NR6A1: variants seen among roughly 807,000 people sequenced by gnomAD.
NR6A1 encodes the protein nuclear receptor subfamily 6 group A member 1, also known as retinoic acid receptor-related testis-associated receptor.
Under a neutral mutation model 59.1 loss-of-function variants are expected in NR6A1, and 7 were observed. The observed-to-expected ratio is 0.12, with a 90% confidence interval of 0.07 to 0.22. The LOEUF is 0.22. NR6A1 is among the 10% of genes least tolerant of loss of function. The probability of loss-of-function intolerance (pLI) is 1.00; values close to 1 mark genes in which losing one functional copy is unlikely to be tolerated. For missense variants in NR6A1, 468 were observed against 611.6 expected (o/e 0.77, Z 2.48); for synonymous variants, 243 against 236.1 (o/e 1.03, Z -0.27).
chr9:124,547,162 T>G (rs1645321509), intron 3 of NR6A1, among the ~76,000 whole-genome samples: 1 of 152,376 alleles, frequency 6.6e-6, no homozygotes, highest in African/African-American at 2.4e-5. Flanking sequence ...GCCATGGCTC[T>G]TCTATCTTCT....
At chr9:124,642,283 C>T (rs1317485678) in intron 2 of NR6A1, among the ~76,000 whole-genome samples, 2 of 152,156 alleles carry the variant, frequency 1.3e-5, no homozygotes, top group African/African-American at 2.4e-5. Context: ...CTCCTGACCT[C>T]GGGTGATCCG....
intron 2 of NR6A1, among the ~76,000 whole-genome samples, chr9:124,712,190 G>GA (rs1839298122): frequency 6.6e-6 from 1 of 152,188 alleles, no homozygotes; most frequent in Non-Finnish European, 1.5e-5. Context: ...GAAGGAGGAG[G>GA]AGAGAGCGCT....
At position 124,518,911 on chromosome 9, in the gene NR6A1, A is replaced by C; in HGVS notation, c.*3794T>G. The stretch of plus-strand genomic sequence containing the variant: ...CAGGGGCCCAGAGAGGAGGGCCTGG[A>C]ACCACAGCTCAGCTTTCTGTCCTGC... On this transcript the variant is annotated 3_prime_UTR_variant, in exon 10 of 10. Transcript: ENST00000487099. The C allele has an allele frequency of 6.6e-6, 1 of 152,200 alleles. No individual in the cohort carries two copies. Among genetic ancestry groups the C allele is most frequent in the East Asian group, 1.9e-4 (1 of 5,188 alleles). 9.4% of individuals were successfully genotyped at this position (152,200 alleles called of 1,614,324 possible).
intron 2 of NR6A1, among the ~76,000 whole-genome samples, chr9:124,706,675 C>T (rs1247918111): frequency 1.3e-5 from 2 of 152,136 alleles, no homozygotes; most frequent in African/African-American, 4.8e-5. Context: ...TGCGCCACCA[C>T]ACCAGCTAAT....
At chr9:124,727,042 G>C (rs1194512941) in intron 2 of NR6A1, among the ~76,000 whole-genome samples, 1 of 152,076 alleles carries the variant, frequency 6.6e-6, no homozygotes, top group African/African-American at 2.4e-5. Flanking sequence ...CAGAAACTCT[G>C]CATTCCAGAT....
intron 2 of NR6A1, among the ~76,000 whole-genome samples, chr9:124,585,677 G>A (rs762939326): frequency 2.0e-5 from 3 of 151,800 alleles, no homozygotes; most frequent in African/African-American, 7.3e-5. Flanking sequence ...AGATGAAGGG[G>A]CCTTATATTG....
At chr9:124,664,753 A>G (rs1466685593) in intron 2 of NR6A1, among the ~76,000 whole-genome samples, 1 of 152,198 alleles carries the variant, frequency 6.6e-6, no homozygotes, top group Non-Finnish European at 1.5e-5. Flanking sequence ...TCATCTAATC[A>G]ATATTAAGCT....
At chr9:124,717,145 C>T (rs1291714346) in intron 2 of NR6A1, among the ~76,000 whole-genome samples, 2 of 152,138 alleles carry the variant, frequency 1.3e-5, no homozygotes, top group Non-Finnish European at 2.9e-5. Context: ...AACTCATATA[C>T]TACTGGAACT....
chr9:124,586,055 T>C (rs1280140515), intron 2 of NR6A1, among the ~76,000 whole-genome samples: 1 of 152,246 alleles, frequency 6.6e-6, no homozygotes, highest in Non-Finnish European at 1.5e-5. Context: ...CAGATGAATG[T>C]TGTTTTCATG....
intron 2 of NR6A1, among the ~76,000 whole-genome samples, chr9:124,702,487 C>G (rs1838991523): frequency 6.6e-6 from 1 of 152,086 alleles, no homozygotes; most frequent in Non-Finnish European, 1.5e-5. Context: ...ATCACTGATA[C>G]AGTTTGGATG....
In NR6A1 at chr9:124,521,111, C is replaced by T. The variant is rs2131309216; in HGVS notation, c.*1594G>A. 1 of 152,384 alleles carries T rather than the reference C, an allele frequency of 6.6e-6. No homozygotes were observed. Among genetic ancestry groups the T allele is most frequent in the Middle Eastern group, 3.4e-3 (1 of 296 alleles). The allele number at this position is 152,384 out of a possible 1,614,324, so 9.4% of individuals were successfully genotyped here. On this transcript the variant is annotated 3_prime_UTR_variant, in exon 10 of 10. Coordinates refer to ENST00000487099, the MANE Select transcript of NR6A1 (RefSeq NM_033334.4). Reference sequence around the variant, plus strand: ...AGAAGGTGCCGTGGGCCCTTCCAACCTACCCAGGCATGCAGCCAACTAAGT... The same window carrying T: ...AGAAGGTGCCGTGGGCCCTTCCAACTTACCCAGGCATGCAGCCAACTAAGT...
chr9:124,735,042 T>A (rs1424964021), intron 1 of NR6A1, among the ~76,000 whole-genome samples: 1 of 152,050 alleles, frequency 6.6e-6, no homozygotes, highest in Non-Finnish European at 1.5e-5. Context: ...ACAGGTTTCA[T>A]CCTGTTGGCC....
chr9:124,713,532 C>T (rs1433506578), intron 2 of NR6A1, among the ~76,000 whole-genome samples: 3 of 152,024 alleles, frequency 2.0e-5, no homozygotes, highest in South Asian at 2.1e-4. Context: ...AGAAAGAACT[C>T]GTATAACTGA....
intron 3 of NR6A1, among the ~76,000 whole-genome samples, chr9:124,550,173 T>C (rs1283051338): frequency 6.6e-6 from 1 of 152,194 alleles, no homozygotes; most frequent in African/African-American, 2.4e-5. Context: ...GTGTGTTTTA[T>C]TGGTACTGTT....
intron 8 of NR6A1, among the ~76,000 whole-genome samples, chr9:124,526,293 T>A (rs543724603): frequency 1.6e-5 from 2 of 121,980 alleles, no homozygotes; most frequent in African/African-American, 5.2e-5. Context: ...TGTGTATGTG[T>A]GTGTGTGTGT....
intron 2 of NR6A1, among the ~76,000 whole-genome samples, chr9:124,706,766 T>A (rs1030764018): frequency 6.6e-6 from 1 of 152,126 alleles, no homozygotes. Flanking sequence ...TCCACCCACC[T>A]CAGCCTCCCA....
At chr9:124,728,637 A>T (rs867127252) in intron 2 of NR6A1, among the ~76,000 whole-genome samples, 1 of 144,942 alleles carries the variant, frequency 6.9e-6, no homozygotes, top group South Asian at 2.2e-4. Flanking sequence ...TCCGCCTCAA[A>T]AAATAAATAA....
Position 124,709,579 on chromosome 9 carries a change from C to A in NR6A1, c.142+23729G>T, listed in dbSNP as rs1839217681. ...AGCCACAGAGAGATGGAAAAGAAAT[C>A]CTGGCCTTGGTTCTTCATGAAATTC... On this transcript the variant is annotated intron_variant, in intron 2 of 9. Coordinates refer to ENST00000487099, the MANE Select transcript of NR6A1 (RefSeq NM_033334.4). 2.6e-5 allele frequency among the ~76,000 whole-genome samples: 4 copies of A among 152,044 alleles called. No homozygotes were observed. In the South Asian group the frequency reaches 8.3e-4, roughly 32 times the overall value.
chr9:124,761,554 AAG>A lies in NR6A1; in HGVS notation c.100+9464_100+9465del, dbSNP rs1324057686. Among the ~76,000 whole-genome samples, 3 of 152,364 alleles carry A rather than the reference AAG, an allele frequency of 2.0e-5. No homozygotes were observed. The East Asian group carries it at 5.8e-4, about 29-fold the overall frequency. On this transcript the variant is annotated intron_variant, in intron 1 of 9. Coordinates refer to ENST00000487099, the MANE Select transcript of NR6A1 (RefSeq NM_033334.4). ...GGAAAGGATATTCTTCGACCAGAGG[AAG>A]AGATGCCTCTCCTATACAGACTTTA...
Sources: allele counts gnomAD v4.1 joint callset (sites outside exome capture counted in the v4.1 genomes callset), GRCh38; gene constraint gnomAD v4.1.1; transcripts MANE v1.5; gene names NCBI Gene and HGNC (gene_info 2026-07-23, HGNC 2026-07-21).